The following HNRNPR variants were observed in gnomAD, a reference collection of about 807,000 sequenced individuals.
HNRNPR encodes the protein heterogeneous nuclear ribonucleoprotein R.
Under a neutral mutation model 70.3 loss-of-function variants are expected in HNRNPR, and 4 were observed. The observed-to-expected ratio is 0.06, with a 90% CI of 0.03 to 0.13. The LOEUF (loss-of-function observed/expected upper bound fraction) is 0.13. HNRNPR is among the 10% of genes least tolerant of loss of function. The probability of loss-of-function intolerance (pLI) is 1.00; values close to 1 mark genes in which losing one functional copy is unlikely to be tolerated. For synonymous variants in HNRNPR, 241 were observed against 267.6 expected (o/e 0.90, Z 0.97); for missense variants, 423 against 788.5 (o/e 0.54, Z 5.55).
At chr1:23,334,691 G>C (rs907358144) in intron 4 of HNRNPR, among the ~76,000 whole-genome samples, 1 of 152,110 alleles carries the variant, frequency 6.6e-6, no homozygotes, top group African/African-American at 2.4e-5. Flanking sequence ...AATAAGTATA[G>C]TCAGGTTCCG....
rs1172288211 is a variant in HNRNPR at position 23,337,868 on chromosome 1, C to G, written c.277-7G>C. 1 of 1,525,618 alleles carries G rather than the reference C, an allele frequency of 6.6e-7. No homozygotes were observed. Among genetic ancestry groups the G allele is most frequent in the Non-Finnish European group, 9.0e-7 (1 of 1,109,860 alleles). The allele number at this position is 1,525,618 out of a possible 1,614,324, so 94.5% of individuals were successfully genotyped here. ...ATAAAAATGCACTTTTGTTCTAGAA[C>G]AGACAAGTAATTCAATAAAAAGAAT... On this transcript the variant is annotated splice_polypyrimidine_tract_variant and splice_region_variant and intron_variant, in intron 3 of 10. Transcript: ENST00000302271.
intron 5 of HNRNPR, among the ~76,000 whole-genome samples, chr1:23,324,868 C>T (rs1183906556): frequency 2.0e-5 from 3 of 151,832 alleles, no homozygotes; most frequent in African/African-American, 4.8e-5. Context: ...TGGCCGGGCG[C>T]GGTGGCTCAC....
intron 5 of HNRNPR, among the ~76,000 whole-genome samples, chr1:23,326,678 G>A (rs573023045): frequency 5.9e-5 from 9 of 152,150 alleles, no homozygotes; most frequent in Non-Finnish European, 8.8e-5. Context: ...CCAGCCACTC[G>A]GGAGGCTGAG....
At chr1:23,320,726 T>C (rs559556579) in intron 7 of HNRNPR, among the ~76,000 whole-genome samples, 34 of 152,264 alleles carry the variant, frequency 2.2e-4, no homozygotes, top group South Asian at 1.7e-3. Context: ...AAAAATGAAA[T>C]AGAATAAGAA....
intron 9 of HNRNPR, 55 bp downstream of exon 9, chr1:23,313,498 G>T (rs1303721043): frequency 8.7e-7 from 1 of 1,152,588 alleles, no homozygotes; most frequent in Admixed American, 2.5e-5. Context: ...TTTGTGTTTG[G>T]CAAGTTTCAA....
chr1:23,312,562 AGATTATTACT>A (rs1283703100), intron 9 of HNRNPR, among the ~76,000 whole-genome samples: 1 of 152,232 alleles, frequency 6.6e-6, no homozygotes, highest in African/African-American at 2.4e-5. Context: ...CTTCAAAGCC[AGATTATTACT>A]GAGTTTGTGA....
chr1:23,322,896 G>A (rs183549734), intron 6 of HNRNPR, among the ~76,000 whole-genome samples: 1 of 152,188 alleles, frequency 6.6e-6, no homozygotes, highest in Non-Finnish European at 1.5e-5. Context: ...AGATACATTT[G>A]ATTTGCAGAA....
chr1:23,320,779 G>A (rs1384656422), intron 7 of HNRNPR, among the ~76,000 whole-genome samples: 1 of 152,146 alleles, frequency 6.6e-6, no homozygotes. Context: ...GTACAGTTTT[G>A]TTAAATTGTT....
At chr1:23,342,019 T>C (rs1401494782) in intron 1 of HNRNPR, among the ~76,000 whole-genome samples, 1 of 152,092 alleles carries the variant, frequency 6.6e-6, no homozygotes, top group South Asian at 2.1e-4. Context: ...GAAATTACAA[T>C]GTGATGAAGA....
rs1645198964 is a variant in HNRNPR at position 23,306,121 on chromosome 1, TTG to T, written c.*4331_*4332del. On this transcript the variant is annotated 3_prime_UTR_variant, in exon 11 of 11. Transcript: ENST00000302271. ...TGAAATGACAGTTAAAGCAAATTTA[TTG>T]TCTCTCCAAGAGACTTTTTAAGATT... 1 of 152,176 alleles carries T rather than the reference TTG, an allele frequency of 6.6e-6. No individual in the cohort carries two copies. Among genetic ancestry groups the T allele is most frequent in the African/African-American group, 2.4e-5 (1 of 41,454 alleles). 9.4% of individuals were successfully genotyped at this position (152,176 alleles called of 1,614,324 possible).
At chr1:23,338,007 T>C (rs946203013) in intron 3 of HNRNPR, 146 bp from the exon 4 acceptor site, 5 of 620,246 alleles carry the variant, frequency 8.1e-6, no homozygotes, top group African/African-American at 1.9e-5. Flanking sequence ...GTGGTTACTA[T>C]GTGCCAGAGA....
intron 1 of HNRNPR, among the ~76,000 whole-genome samples, chr1:23,342,329 G>A (rs537287913): frequency 2.1e-4 from 32 of 152,164 alleles, no homozygotes; most frequent in Admixed American, 1.2e-3. Flanking sequence ...AGAGGGGAAG[G>A]AGGTAATAGA....
chr1:23,319,098 A>G (rs1323642176), intron 7 of HNRNPR, among the ~76,000 whole-genome samples: 1 of 152,152 alleles, frequency 6.6e-6, no homozygotes, highest in African/African-American at 2.4e-5. Flanking sequence ...AAAAGTTACT[A>G]TTTTTACCAA....
chr1:23,326,543 G>C (rs1314369338), intron 5 of HNRNPR, among the ~76,000 whole-genome samples: 2 of 152,154 alleles, frequency 1.3e-5, no homozygotes, highest in Non-Finnish European at 2.9e-5. Context: ...CCAGCACTTT[G>C]GGAGGCTGAG....
At chr1:23,313,076 T>G (rs1645397806) in intron 9 of HNRNPR, among the ~76,000 whole-genome samples, 1 of 152,164 alleles carries the variant, frequency 6.6e-6, no homozygotes, top group South Asian at 2.1e-4. Flanking sequence ...TAAAACATAG[T>G]GAATGCTATT....
intron 4 of HNRNPR, among the ~76,000 whole-genome samples, chr1:23,336,116 C>CAAAAAAAAAAAAAAAAAAAAAAA (rs71020498): frequency 1.2e-4 from 6 of 49,472 alleles, no homozygotes; most frequent in African/African-American, 4.0e-4. Context: ...GACTCCGTCT[C>CAAAAAAAAAAAAAAAAAAAAAAA]AAAAAAAAAA....
At chr1:23,336,470 G>T (rs1332150156) in intron 4 of HNRNPR, among the ~76,000 whole-genome samples, 1 of 151,028 alleles carries the variant, frequency 6.6e-6, no homozygotes, top group South Asian at 2.1e-4. Flanking sequence ...TGCTCAGGAG[G>T]CTGAGGCAGG....
chr1:23,321,698 AC>A, intron 6 of HNRNPR, 35 bp from the exon 7 acceptor site: 1 of 1,580,568 alleles, frequency 6.3e-7, no homozygotes, highest in South Asian at 1.2e-5. Flanking sequence ...CCCCAAAACC[AC>A]CCCAAACTCA....
chr1:23,338,298 T>G, intron 3 of HNRNPR, 192 bp downstream of exon 3: 1 of 400,510 alleles, frequency 2.5e-6, no homozygotes, highest in East Asian at 3.9e-5. Flanking sequence ...CACAAGGGGG[T>G]GGGAGAAAAC....
Sources: gnomAD v4.1 joint callset for allele counts (sites outside exome capture counted in the v4.1 genomes callset) on GRCh38, gnomAD v4.1.1 for gene constraint, MANE v1.5 for transcripts, NCBI Gene and HGNC (gene_info 2026-07-23, HGNC 2026-07-21) for gene names.